The following RUFY4 variants were observed in gnomAD, a reference collection of about 807,000 sequenced individuals.
The protein encoded by RUFY4 is RUN and FYVE domain containing 4.
In RUFY4, 73 loss-of-function variants were observed where a neutral mutation model predicts 69.0. The observed-to-expected ratio is 1.06, with a 90% CI of 0.88 to 1.29. The LOEUF (loss-of-function observed/expected upper bound fraction) is 1.29. RUFY4 is among the 50% of genes most tolerant of loss of function. The pLI is 0.00. For synonymous variants in RUFY4, 287 were observed against 271.8 expected, an observed-to-expected ratio of 1.06 and a Z score of -0.55; for missense variants, 770 against 705.6, an observed-to-expected ratio of 1.09 and a Z score of -1.03.
chr2:218,085,330 GGAAAATAC>G (rs752164113), intron 9 of RUFY4, among the ~76,000 whole-genome samples: 3 of 152,066 alleles, frequency 2.0e-5, no homozygotes, highest in Non-Finnish European at 4.4e-5. Context: ...AGAAGCTTAT[GGAAAATAC>G]GACCCTAAGC....
At chr2:218,072,603 C>G in intron 3 of RUFY4, 104 bp downstream of exon 5, 2 of 1,450,942 alleles carry the variant, frequency 1.4e-6, no homozygotes, top group Admixed American at 2.2e-5. Flanking sequence ...CTCACCTGCT[C>G]TGCATGTCTC....
intron 2 of RUFY4, among the ~76,000 whole-genome samples, chr2:218,051,613 G>A (rs1688946251): frequency 6.7e-6 from 1 of 150,330 alleles, no homozygotes; most frequent in South Asian, 2.1e-4. Flanking sequence ...GGGCAGTAAT[G>A]AGACTTTAAG....
chr2:218,074,097 G>C (rs1156763913), intron 6 of RUFY4, among the ~76,000 whole-genome samples: 1 of 152,078 alleles, frequency 6.6e-6, no homozygotes, highest in Non-Finnish European at 1.5e-5. Flanking sequence ...GACACTGGGA[G>C]AGAAAGGGAA....
chr2:218,090,062 C>A, exon 11 of RUFY4: 1 of 1,521,310 alleles, frequency 6.6e-7, no homozygotes, highest in Non-Finnish European at 8.9e-7. Flanking sequence ...TGACCAAGAC[C>A]AAGACCAGCC....
intron 9 of RUFY4, among the ~76,000 whole-genome samples, chr2:218,084,244 T>C (rs1689837626): frequency 6.6e-6 from 1 of 152,034 alleles, no homozygotes; most frequent in African/African-American, 2.4e-5. Context: ...GCTTGTTTTT[T>C]TTTTTTTAAC....
At chr2:218,072,545 C>T (rs1574509745) in intron 3 of RUFY4, 46 bp downstream of exon 5, 9 of 1,530,450 alleles carry the variant, frequency 5.9e-6, no homozygotes, top group Non-Finnish European at 7.9e-6. Context: ...TGGGGGTAGA[C>T]ATAGGCCTCC....
At chr2:218,073,008 G>T in intron 4 of RUFY4, 123 bp downstream of exon 6, 1 of 990,442 alleles carries the variant, frequency 1.0e-6, no homozygotes, top group South Asian at 1.7e-5. Context: ...TGAGAGTCAT[G>T]AAGGAAAAAT....
chr2:218,038,622 GCCCTC>G (rs1959014753), intron 2 of RUFY4, among the ~76,000 whole-genome samples: 1 of 152,194 alleles, frequency 6.6e-6, no homozygotes, highest in African/African-American at 2.4e-5. Flanking sequence ...AGTGAAGAGT[GCCCTC>G]AGCGGCTAGT....
In RUFY4 at chr2:218,073,269, T is replaced by C. The variant is rs1037140552; in HGVS notation, c.413T>C (p.Leu138Pro). The C allele has an allele frequency of 1.9e-5, 29 of 1,552,556 alleles. No homozygotes were observed. The highest frequency in any genetic ancestry group is 1.7e-4 in the Middle Eastern group (1 of 5,992). ...GAATGGTATGGACCCCGGAGCCCTCTGCTCTGCCCAGAACGCCAAGAAGAC... is the reference window on the plus strand; with the variant it reads ...GAATGGTATGGACCCCGGAGCCCTCCGCTCTGCCCAGAACGCCAAGAAGAC... The change falls in exon 5 of 11, where the codon CTG becomes CCG. Residue 138 changes from leucine to proline, a missense_variant. By Grantham distance (98) the Leu-to-Pro change is moderately conservative (BLOSUM62 -3). Coordinates refer to ENST00000344321, the Ensembl canonical transcript of RUFY4.
At chr2:218,044,110 C>A (rs1014044827) in intron 2 of RUFY4, among the ~76,000 whole-genome samples, 3 of 152,162 alleles carry the variant, frequency 2.0e-5, no homozygotes, top group African/African-American at 7.2e-5. Context: ...GTCAGGGAGG[C>A]CTTCTGGGGC....
exon 3 of RUFY4, chr2:218,072,396 G>A: frequency 1.3e-6 from 2 of 1,537,374 alleles, no homozygotes; most frequent in Non-Finnish European, 1.7e-6. Flanking sequence ...GAGCAGAAGA[G>A]CTTCCTGGGG....
intron 3 of RUFY4, chr2:218,061,448 A>G (rs141412182): frequency 7.1e-4 from 147 of 207,402 alleles, no homozygotes; most frequent in African/African-American, 3.2e-3. Context: ...TATAGAAGAG[A>G]GAAGAGGATT....
At chr2:218,073,517 G>A in intron 5 of RUFY4, 131 bp downstream of exon 7, 1 of 1,304,570 alleles carries the variant, frequency 7.7e-7, no homozygotes, top group Non-Finnish European at 1.1e-6. Flanking sequence ...CCATGCCTTT[G>A]GATTCTTCTA....
chr2:218,035,977 T>C (rs1044354132), intron 2 of RUFY4, among the ~76,000 whole-genome samples: 1 of 152,156 alleles, frequency 6.6e-6, no homozygotes, highest in Non-Finnish European at 1.5e-5. Context: ...AGTGTCCACA[T>C]GGCATGAACC....
At chr2:218,038,700 T>C (rs78047686) in intron 2 of RUFY4, among the ~76,000 whole-genome samples, 1,865 of 152,244 alleles carry the variant, frequency 0.012, 40 homozygotes, top group African/African-American at 0.042. Flanking sequence ...GGTGGTATTA[T>C]TTTACACATA....
At chr2:218,083,148 A>T (rs541000115) in exon 9 of RUFY4, 1 of 1,613,562 alleles carries the variant, frequency 6.2e-7, no homozygotes, top group Middle Eastern at 1.7e-4. Context: ...GCACAGCTGG[A>T]GCAGAAGCAA....
At chr2:218,080,469 C>T (rs1346803988) in intron 8 of RUFY4, among the ~76,000 whole-genome samples, 2 of 152,182 alleles carry the variant, frequency 1.3e-5, no homozygotes, top group Admixed American at 1.3e-4. Flanking sequence ...GCTGTGGGCC[C>T]CTGGGGACAG....
At chr2:218,060,261 G>T in intron 3 of RUFY4, 2 of 1,329,048 alleles carry the variant, frequency 1.5e-6, no homozygotes, top group Non-Finnish European at 2.1e-6. Flanking sequence ...ACCAAGAAGA[G>T]CTAGTGGACA....
At chr2:218,069,462 G>C (rs10932741), upstream of RUFY4, 2 of 151,816 alleles carry the variant, frequency 1.3e-5, no homozygotes, top group African/African-American at 2.4e-5. Context: ...ACATGGAGCC[G>C]TTCATGGATT....
Sources: gnomAD v4.1 joint callset for allele counts (sites outside exome capture counted in the v4.1 genomes callset) on GRCh38, gnomAD v4.1.1 for gene constraint, MANE v1.5 for transcripts, NCBI Gene and HGNC (gene_info 2026-07-23, HGNC 2026-07-21) for gene names.